NRBP1: variants seen among roughly 807,000 people sequenced by gnomAD.
NRBP1 encodes the protein nuclear receptor-binding protein.
NRBP1 carries 10 observed loss-of-function variants against 76.0 expected under a neutral mutation model. That is an observed-to-expected ratio of 0.13 (90% CI 0.08 to 0.22). The LOEUF (loss-of-function observed/expected upper bound fraction) is 0.22, where lower values mean the gene tolerates loss of function less well. NRBP1 is among the 10% of genes least tolerant of loss of function. The pLI, the probability that NRBP1 is intolerant of heterozygous loss-of-function variation, is 1.00. For synonymous variants in NRBP1, 235 were observed against 240.2 expected, an observed-to-expected ratio of 0.98 and a Z score of 0.20; for missense variants, 344 against 646.0, an observed-to-expected ratio of 0.53 and a Z score of 5.07.
At chr2:27,440,555 T>C in intron 12 of NRBP1, 47 bp downstream of exon 12, 1 of 1,598,990 alleles carries the variant, frequency 6.3e-7, no homozygotes, top group South Asian at 1.1e-5. Flanking sequence ...TCACGACCAC[T>C]CTTGAGGCTC....
intron 8 of NRBP1, 50 bp from the exon 9 acceptor site, chr2:27,436,996 AC>A (rs1664332388): frequency 1.3e-6 from 2 of 1,567,218 alleles, no homozygotes; most frequent in Non-Finnish European, 1.7e-6. Context: ...ATTCCTGCCA[AC>A]CCTAGCCCCC....
chr2:27,439,997 T>A, intron 11 of NRBP1, 99 bp downstream of exon 11: 1 of 191,850 alleles, frequency 5.2e-6, no homozygotes, highest in Non-Finnish European at 7.2e-6. Flanking sequence ...AAGGGATTCT[T>A]TTTTTTTTTT....
Position 27,441,864 on chromosome 2 carries a change from T to C in NRBP1, c.*52T>C. 1 of 1,115,976 alleles carries C rather than the reference T, an allele frequency of 9.0e-7. No homozygotes were observed. Among genetic ancestry groups the C allele is most frequent in the Non-Finnish European group, 1.3e-6 (1 of 742,924 alleles). The allele number at this position is 1,115,976 out of a possible 1,614,324, so 69.1% of individuals were successfully genotyped here. A position where few individuals can be genotyped will look rare whatever the true frequency, so the allele number is the denominator to read the frequency against. ...GCGCTGTGGCTGTCCCTGGACGTGCTGCAGCCCTCCTGTCCCTTCCCCCCA... is the reference window on the plus strand; with the variant it reads ...GCGCTGTGGCTGTCCCTGGACGTGCCGCAGCCCTCCTGTCCCTTCCCCCCA... On this transcript the variant is annotated 3_prime_UTR_variant, in exon 18 of 18. Transcript: ENST00000379852.
At chr2:27,429,073 G>A (rs1348427513) in intron 1 of NRBP1, 3 of 178,878 alleles carry the variant, frequency 1.7e-5, no homozygotes, top group South Asian at 3.4e-4. Context: ...TCGCGGCCCG[G>A]CGGCCTGCGG....
chr2:27,438,105 G>A (rs553491309), intron 10 of NRBP1, among the ~76,000 whole-genome samples: 17 of 151,930 alleles, frequency 1.1e-4, no homozygotes, highest in African/African-American at 3.1e-4. Context: ...GCTTGAACCC[G>A]GGAGGCGGAG....
At chr2:27,440,627 A>T in intron 12 of NRBP1, 25 bp from the exon 13 acceptor site, 1 of 1,613,716 alleles carries the variant, frequency 6.2e-7, no homozygotes, top group Non-Finnish European at 8.5e-7. Flanking sequence ...CTTTCCTTCC[A>T]TCTCCTTTCT....
At position 27,433,494 on chromosome 2, in the gene NRBP1, G is replaced by C. The variant is rs771792419; in HGVS notation, c.210+11G>C. 1 of 1,613,286 alleles carries C rather than the reference G, an allele frequency of 6.2e-7. No homozygotes were observed. The highest frequency in any genetic ancestry group is 8.5e-7 in the Non-Finnish European group (1 of 1,179,658). ...AAGAGGCGAGAAGAGGTAAGGTTATGGTACAGTTACTCTTGGGTGAGTGAA... is the reference window on the plus strand; with the variant it reads ...AAGAGGCGAGAAGAGGTAAGGTTATCGTACAGTTACTCTTGGGTGAGTGAA... On this transcript the variant is annotated intron_variant, in intron 2 of 17. Coordinates refer to ENST00000379852, the MANE Select transcript of NRBP1 (RefSeq NM_013392.4).
At chr2:27,435,279 AT>A (rs1309201330) in intron 7 of NRBP1, 52 bp downstream of exon 7, 1 of 1,499,634 alleles carries the variant, frequency 6.7e-7, no homozygotes, top group East Asian at 2.3e-5. Context: ...TTTGGGAACC[AT>A]GGGGGTAAGA....
chr2:27,432,939 C>T (rs147403927), intron 1 of NRBP1, among the ~76,000 whole-genome samples: 3,942 of 151,984 alleles, frequency 0.026, 184 homozygotes, highest in African/African-American at 0.091. Flanking sequence ...AGTGCAGTGG[C>T]GTGATCTCAG....
At chr2:27,437,018 T>A (rs973573953) in intron 8 of NRBP1, 29 bp from the exon 9 acceptor site, 2 of 1,606,776 alleles carry the variant, frequency 1.2e-6, no homozygotes. Context: ...AATCCTCTGA[T>A]TAACCAAAGC....
chr2:27,435,321 T>A (rs1664261913), intron 7 of NRBP1, 94 bp downstream of exon 7: 1 of 1,040,060 alleles, frequency 9.6e-7, no homozygotes, highest in Non-Finnish European at 1.5e-6. Flanking sequence ...AGAGCAAAAT[T>A]CTGAGGTGTG....
At chr2:27,438,173 G>A (rs1278327171) in intron 10 of NRBP1, among the ~76,000 whole-genome samples, 1 of 116,674 alleles carries the variant, frequency 8.6e-6, no homozygotes, top group African/African-American at 4.2e-5. Context: ...GAGCGAGACT[G>A]TCTCAAAAAA....
chr2:27,434,437 A>G (rs377007524), intron 4 of NRBP1, 34 bp from the exon 5 acceptor site: 1 of 1,392,048 alleles, frequency 7.2e-7, no homozygotes, highest in South Asian at 1.2e-5. Context: ...CATTTCTACT[A>G]TAAGGCCTTT....
intron 10 of NRBP1, among the ~76,000 whole-genome samples, chr2:27,439,283 T>C (rs1251915957): frequency 6.6e-6 from 1 of 151,698 alleles, no homozygotes. Flanking sequence ...GTCAGGAGAT[T>C]GAGACCATCC....
chr2:27,438,307 T>C (rs1415244881), intron 10 of NRBP1, among the ~76,000 whole-genome samples: 1 of 152,262 alleles, frequency 6.6e-6, no homozygotes, highest in Non-Finnish European at 1.5e-5. Context: ...TCAGTCAATT[T>C]AAATTAAACC....
rs141001145 is a variant in NRBP1 at position 27,439,897 on chromosome 2, A to G, written c.1035A>G (p.Gln345=). 1.2e-4 allele frequency: 200 copies of G among 1,611,752 alleles called. 1 individual carries two copies. The highest frequency in any genetic ancestry group is 2.0e-4 in the South Asian group (18 of 91,002). ...LLAAHCIVGH[Q]HMIPENALEE... ...CGGCCCACTGCATTGTGGGACACCA[A>G]CGTGAGTCGTCTTGGCCCTATGGGG... Residue 345 remains glutamine (Q), a splice_region_variant and synonymous_variant, in exon 11 of 18, where the codon CAA becomes CAG. Coordinates refer to ENST00000379852, the MANE Select transcript of NRBP1 (RefSeq NM_013392.4).
In NRBP1 at chr2:27,433,344, C is replaced by T. The variant is rs753276316; in HGVS notation, c.71C>T (p.Ala24Val). ...SDPKVESSSSAPGLTSVSPPV... is the reference protein window; with the variant it reads ...SDPKVESSSSVPGLTSVSPPV... Reference sequence around the variant, plus strand: ...CCAAAGGTAGAATCCTCATCTTCAGCTCCTGGCCTGACATCAGTGTCACCT... The same window carrying T: ...CCAAAGGTAGAATCCTCATCTTCAGTTCCTGGCCTGACATCAGTGTCACCT... The change falls in exon 2 of 18, where the codon GCT (alanine) becomes GTT (valine). Residue 24 changes from alanine to valine, a missense_variant. This residue lies in a region of NRBP1 where 53 missense variants were observed against 48.4 expected (regional missense o/e 1.09). Coordinates refer to ENST00000379852, the MANE Select transcript of NRBP1 (RefSeq NM_013392.4). 2 of 1,614,254 alleles carry T rather than the reference C, an allele frequency of 1.2e-6. No individual in the cohort carries two copies. The highest frequency in any genetic ancestry group is 1.7e-6 in the Non-Finnish European group (2 of 1,180,046).
chr2:27,439,380 G>T (rs1211761039), intron 10 of NRBP1, among the ~76,000 whole-genome samples: 2 of 151,730 alleles, frequency 1.3e-5, no homozygotes, highest in African/African-American at 4.8e-5. Context: ...AGCTACTCGG[G>T]AGGCTGAGGC....
intron 7 of NRBP1, 64 bp from the exon 8 acceptor site, chr2:27,436,689 T>A: frequency 6.8e-7 from 1 of 1,465,006 alleles, no homozygotes; most frequent in Non-Finnish European, 9.6e-7. Context: ...TTGGGGCCTC[T>A]CTCTGGAGTG....
Sources: allele counts gnomAD v4.1 joint callset (sites outside exome capture counted in the v4.1 genomes callset), GRCh38; gene constraint gnomAD v4.1.1; regional missense constraint gnomAD v4.1.1; transcripts MANE v1.5; gene names NCBI Gene and HGNC (gene_info 2026-07-23, HGNC 2026-07-21).